Variants in PHAF1 observed in about 807,000 individuals in gnomAD.
PHAF1 encodes phagophore assembly factor 1.
Under a neutral mutation model 63.1 loss-of-function variants are expected in PHAF1, and 23 were observed. The observed-to-expected ratio is 0.36, with a 90% CI of 0.26 to 0.52. The LOEUF is 0.52. PHAF1 is among the 20% of genes least tolerant of loss of function. PHAF1 has a pLI of 0.93. For synonymous variants in PHAF1, 167 were observed against 185.0 expected, an observed-to-expected ratio of 0.90 and a Z score of 0.79; for missense variants, 427 against 517.2, an observed-to-expected ratio of 0.83 and a Z score of 1.69.
intron 8 of PHAF1, among the ~76,000 whole-genome samples, chr16:67,138,723 C>A (rs1408939358): frequency 6.6e-6 from 1 of 152,142 alleles, no homozygotes; most frequent in Non-Finnish European, 1.5e-5. Context: ...AAACTTTTGG[C>A]AAATCAGAAG....
intron 3 of PHAF1, among the ~76,000 whole-genome samples, 161 bp downstream of exon 3, chr16:67,126,203 C>T (rs1489521005): frequency 6.6e-6 from 1 of 152,000 alleles, no homozygotes; most frequent in Non-Finnish European, 1.5e-5. Flanking sequence ...TGTGCCTGTT[C>T]CCCTAAAAAG....
intron 1 of PHAF1, among the ~76,000 whole-genome samples, chr16:67,111,192 G>A (rs1255478758): frequency 6.6e-6 from 1 of 152,216 alleles, no homozygotes; most frequent in East Asian, 1.9e-4. Context: ...GACAGGTGAA[G>A]GTTGGATGAA....
At chr16:67,122,912 A>G (rs1226834350) in intron 2 of PHAF1, among the ~76,000 whole-genome samples, 1 of 152,002 alleles carries the variant, frequency 6.6e-6, no homozygotes, top group Non-Finnish European at 1.5e-5. Context: ...TATTTTTAGC[A>G]GAGATGGGGT....
chr16:67,137,768 C>T lies in PHAF1; in HGVS notation c.662-2216C>T, dbSNP rs75565477. On this transcript the variant is annotated intron_variant, in intron 8 of 15. Coordinates refer to ENST00000219139, the MANE Select transcript of PHAF1 (RefSeq NM_025187.5). ...CCAGGAGACAGCAGGAGGAGCCTGT[C>T]GAGGGTGGGCTCTCAGCCAATTATG... Among the ~76,000 whole-genome samples the T allele has an allele frequency of 6.5e-3, 985 of 152,230 alleles. 4 individuals are homozygous for T. Among genetic ancestry groups the T allele is most frequent in the Non-Finnish European group, 0.011 (758 of 68,006 alleles).
intron 1 of PHAF1, among the ~76,000 whole-genome samples, chr16:67,113,843 C>T (rs948227334): frequency 1.3e-5 from 2 of 150,732 alleles, no homozygotes; most frequent in African/African-American, 4.9e-5. Context: ...CTGCCTCTTG[C>T]GATTATAGGC....
chr16:67,116,876 GGGT>G (rs1962754257), intron 1 of PHAF1, among the ~76,000 whole-genome samples: 1 of 152,236 alleles, frequency 6.6e-6, no homozygotes, highest in African/African-American at 2.4e-5. Context: ...ACCAGTCACT[GGGT>G]GGTTAGCTCT....
Position 67,144,817 on chromosome 16 carries a change from A to G in PHAF1, c.963-17A>G. ...CTTCTAGGAGGCCCAGCCTTTACCC[A>G]TTTGCCTTCTCTCTAGTTATCATCG... On this transcript the variant is annotated splice_polypyrimidine_tract_variant and intron_variant, in intron 11 of 15. Transcript: ENST00000219139. 1 of 1,613,846 alleles carries G rather than the reference A, an allele frequency of 6.2e-7. No homozygotes were observed. The highest frequency in any genetic ancestry group is 8.5e-7 in the Non-Finnish European group (1 of 1,179,832).
At chr16:67,119,639 G>T (rs1962893848) in intron 1 of PHAF1, among the ~76,000 whole-genome samples, 1 of 150,362 alleles carries the variant, frequency 6.7e-6, no homozygotes, top group African/African-American at 2.5e-5. Context: ...TCCTGCCTCA[G>T]CCTCCCGGGT....
At chr16:67,133,521 A>G (rs1963487915) in intron 6 of PHAF1, among the ~76,000 whole-genome samples, 1 of 151,166 alleles carries the variant, frequency 6.6e-6, no homozygotes, top group South Asian at 2.1e-4. Flanking sequence ...AAAAAAAAAA[A>G]ACAGGCCGGG....
At chr16:67,142,057 C>T (rs1963832813) in intron 10 of PHAF1, among the ~76,000 whole-genome samples, 1 of 152,208 alleles carries the variant, frequency 6.6e-6, no homozygotes, top group South Asian at 2.1e-4. Flanking sequence ...CTTTATTGGG[C>T]AACAGAACAG....
intron 2 of PHAF1, among the ~76,000 whole-genome samples, chr16:67,123,121 C>T (rs868444932): frequency 2.0e-5 from 3 of 148,250 alleles, no homozygotes; most frequent in Non-Finnish European, 4.4e-5. Context: ...GCATCTTGCT[C>T]TGTCACCAAT....
chr16:67,132,620 A>G, intron 5 of PHAF1, 95 bp downstream of exon 5: 1 of 1,375,622 alleles, frequency 7.3e-7, no homozygotes, highest in Non-Finnish European at 1.0e-6. Flanking sequence ...TCCTGGAGTC[A>G]GGCTCCCATA....
chr16:67,133,006 G>C (rs1419815393), intron 6 of PHAF1, 95 bp downstream of exon 6: 1 of 1,004,980 alleles, frequency 1.0e-6, no homozygotes, highest in Non-Finnish European at 1.5e-6. Flanking sequence ...GTGGGTATTA[G>C]ATAGGCAGAC....
At chr16:67,146,475 A>C (rs2030088995) in intron 15 of PHAF1, 125 bp downstream of exon 15, 1 of 998,530 alleles carries the variant, frequency 1.0e-6, no homozygotes, top group Non-Finnish European at 1.6e-6. Flanking sequence ...ATCCTTCTTC[A>C]GCAACCGTGT....
intron 9 of PHAF1, among the ~76,000 whole-genome samples, 172 bp from the exon 10 acceptor site, chr16:67,140,339 G>A (rs984807707): frequency 6.6e-6 from 1 of 152,044 alleles, no homozygotes; most frequent in South Asian, 2.1e-4. Flanking sequence ...CCTAGTCAAC[G>A]ACAGCTGGCC....
At chr16:67,112,158 A>C (rs1962543220) in intron 1 of PHAF1, among the ~76,000 whole-genome samples, 1 of 152,020 alleles carries the variant, frequency 6.6e-6, no homozygotes, top group Non-Finnish European at 1.5e-5. Context: ...CGGCTGGATA[A>C]AAACCACAAC....
rs766737997 is a variant in PHAF1 at position 67,131,315 on chromosome 16, A to G, written c.261A>G (p.Val87=). 1.9e-6 allele frequency: 3 copies of G among 1,596,856 alleles called. No homozygotes were observed. Among genetic ancestry groups the G allele is most frequent in the Non-Finnish European group, 2.6e-6 (3 of 1,171,892 alleles). The change falls in exon 4 of 16, where the codon GTA becomes GTG. Residue 87 remains valine, a synonymous_variant. Coordinates refer to ENST00000219139, the MANE Select transcript of PHAF1 (RefSeq NM_025187.5). Reference sequence around the variant, plus strand: ...TCGAAGTATGTGATTTGACTAAAGTAAAGTTAAAATATTGGTAAGTTTTCT... The same window carrying G: ...TCGAAGTATGTGATTTGACTAAAGTGAAGTTAAAATATTGGTAAGTTTTCT... ...KVIEVCDLTK[V]KLKYCGVHFN...
intron 1 of PHAF1, among the ~76,000 whole-genome samples, chr16:67,119,369 A>G (rs1299460304): frequency 6.6e-6 from 1 of 152,060 alleles, no homozygotes; most frequent in Non-Finnish European, 1.5e-5. Context: ...ACTGCCTCCC[A>G]TCCCCTTCCA....
At chr16:67,128,196 A>T (rs1963263093) in intron 3 of PHAF1, among the ~76,000 whole-genome samples, 1 of 152,212 alleles carries the variant, frequency 6.6e-6, no homozygotes, top group Admixed American at 6.5e-5. Flanking sequence ...TATTGGCAAT[A>T]TGTGGTGGCT....
Sources: gnomAD v4.1 joint callset for allele counts (sites outside exome capture counted in the v4.1 genomes callset) on GRCh38, gnomAD v4.1.1 for gene constraint, MANE v1.5 for transcripts, NCBI Gene and HGNC (gene_info 2026-07-23, HGNC 2026-07-21) for gene names.